The following MTUS2 variants were observed in gnomAD, a reference collection of about 807,000 sequenced individuals.
MTUS2 encodes the protein microtubule associated scaffold protein 2, also known as microtubule-associated tumor suppressor candidate 2.
In MTUS2, 40 loss-of-function variants were observed where a neutral mutation model predicts 114.1. The ratio of observed to expected loss-of-function variants is 0.35; its 90% confidence interval spans 0.27 to 0.46. The LOEUF (loss-of-function observed/expected upper bound fraction) is 0.46, where lower values mean the gene tolerates loss of function less well. Ranked by LOEUF, MTUS2 falls within the 20% of genes least tolerant of loss-of-function variation. MTUS2 has a pLI of 1.00. For synonymous variants in MTUS2, 688 were observed against 672.0 expected (o/e 1.02, Z -0.37); for missense variants, 1,679 against 1,705.4 (o/e 0.98, Z 0.27).
chr13:28,949,032 T>A (rs1188683670), intron 2 of MTUS2, among the ~76,000 whole-genome samples: 3 of 152,256 alleles, frequency 2.0e-5, no homozygotes, highest in African/African-American at 4.8e-5. Flanking sequence ...ATATGTAGTA[T>A]ATAAAAGGGA....
At chr13:29,306,077 A>C (rs1398034321) in intron 6 of MTUS2, among the ~76,000 whole-genome samples, 1 of 152,210 alleles carries the variant, frequency 6.6e-6, no homozygotes, top group East Asian at 1.9e-4. Context: ...GCCTTTAATA[A>C]AATTCAACAT....
intron 5 of MTUS2, among the ~76,000 whole-genome samples, chr13:29,272,929 C>T (rs1897931423): frequency 6.6e-6 from 1 of 152,170 alleles, no homozygotes; most frequent in African/African-American, 2.4e-5. Flanking sequence ...TTGAGGGCTG[C>T]ACCCTCTGAG....
At chr13:29,274,436 C>T (rs1897986814) in intron 5 of MTUS2, among the ~76,000 whole-genome samples, 1 of 152,084 alleles carries the variant, frequency 6.6e-6, no homozygotes, top group African/African-American at 2.4e-5. Flanking sequence ...CATTGAGAAA[C>T]TACCAACCTT....
chr13:29,041,601 T>C (rs1171419147), intron 4 of MTUS2, among the ~76,000 whole-genome samples: 1 of 152,196 alleles, frequency 6.6e-6, no homozygotes, highest in Non-Finnish European at 1.5e-5. Context: ...CATTTGTTTG[T>C]GTCATCTGTG....
In MTUS2 at chr13:29,402,099, C is replaced by T. The variant is rs576458046; in HGVS notation, c.3118-37884C>T. 3.3e-5 allele frequency among the ~76,000 whole-genome samples: 5 copies of T among 152,118 alleles called. No homozygotes were observed. In the South Asian group the frequency reaches 8.3e-4, roughly 25 times the overall value. On this transcript the variant is annotated intron_variant, in intron 8 of 15. Transcript: ENST00000612955. ...ATACTTTTTTCATATTAGTTCTGTG[C>T]ATTTCTGGATATGAAGTCTGTGTAC...
rs547857385 is a variant in MTUS2 at position 29,425,773 on chromosome 13, A to T, written c.3118-14210A>T. Among the ~76,000 whole-genome samples the T allele has an allele frequency of 9.2e-5, 14 of 152,308 alleles. No homozygotes were observed. The East Asian group carries it at 2.5e-3, about 27-fold the overall frequency. ...TCATAGTACATGTGCGATTTCACCA[A>T]CATAGGAAGGACTGGACTACGGAAG... On this transcript the variant is annotated intron_variant, in intron 8 of 15. Transcript: ENST00000612955.
intron 10 of MTUS2, 98 bp from the exon 11 acceptor site, chr13:29,487,802 A>G (rs1201599370): frequency 1.4e-5 from 13 of 910,244 alleles, no homozygotes; most frequent in Admixed American, 5.2e-5. Flanking sequence ...GTGACTTGTC[A>G]TTGATGTTTT....
intron 2 of MTUS2, among the ~76,000 whole-genome samples, chr13:28,976,767 G>A (rs1047920421): frequency 6.6e-6 from 1 of 152,204 alleles, no homozygotes; most frequent in African/African-American, 2.4e-5. Flanking sequence ...ATGATCAGCT[G>A]TTAGGAAGCA....
intron 5 of MTUS2, among the ~76,000 whole-genome samples, chr13:29,185,290 C>T (rs1894175693): frequency 6.6e-6 from 1 of 151,982 alleles, no homozygotes; most frequent in Non-Finnish European, 1.5e-5. Context: ...CTATGGGACA[C>T]CATCAAGCAT....
At chr13:29,211,328 C>A (rs560588434) in intron 5 of MTUS2, among the ~76,000 whole-genome samples, 14 of 152,404 alleles carry the variant, frequency 9.2e-5, no homozygotes, top group Admixed American at 2.6e-4. Flanking sequence ...CCATGTCCCC[C>A]CAACAGCACG....
At chr13:29,066,031 C>G (rs1888650915) in intron 4 of MTUS2, among the ~76,000 whole-genome samples, 1 of 152,108 alleles carries the variant, frequency 6.6e-6, no homozygotes, top group South Asian at 2.1e-4. Flanking sequence ...GGCCTCGATT[C>G]AGTTCTTCAG....
At chr13:28,871,898 G>A (rs76596114) in intron 2 of MTUS2, among the ~76,000 whole-genome samples, 6 of 152,220 alleles carry the variant, frequency 3.9e-5, no homozygotes, top group South Asian at 2.1e-4. Flanking sequence ...GCAAAGGCCC[G>A]GTGGAGGGAT....
intron 12 of MTUS2, among the ~76,000 whole-genome samples, chr13:29,493,450 T>C (rs1470057808): frequency 6.6e-6 from 1 of 152,130 alleles, no homozygotes; most frequent in Non-Finnish European, 1.5e-5. Context: ...CACAGCAAAA[T>C]TATTTTTTAA....
At chr13:28,846,470 TG>T (rs1339553667) in intron 2 of MTUS2, among the ~76,000 whole-genome samples, 1 of 152,218 alleles carries the variant, frequency 6.6e-6, no homozygotes, top group Non-Finnish European at 1.5e-5. Flanking sequence ...AGTCAAAAGC[TG>T]TGTGTGTCTT....
chr13:29,037,187 C>G (rs1887119998), intron 4 of MTUS2, among the ~76,000 whole-genome samples: 1 of 152,182 alleles, frequency 6.6e-6, no homozygotes, highest in South Asian at 2.1e-4. Flanking sequence ...CCTTCAGGAG[C>G]TCTTGTAAGG....
At chr13:29,262,592 T>C (rs1474609920) in intron 5 of MTUS2, among the ~76,000 whole-genome samples, 1 of 150,242 alleles carries the variant, frequency 6.7e-6, no homozygotes, top group African/African-American at 2.4e-5. Flanking sequence ...AAAGTAAGTT[T>C]GAAGGAATTA....
At chr13:29,118,414 C>T (rs891293730) in intron 5 of MTUS2, among the ~76,000 whole-genome samples, 1 of 152,124 alleles carries the variant, frequency 6.6e-6, no homozygotes. Context: ...GGGTAAGAGG[C>T]ACTGAATGTA....
intron 5 of MTUS2, among the ~76,000 whole-genome samples, chr13:29,134,954 C>T (rs868503173): frequency 6.6e-6 from 1 of 152,284 alleles, no homozygotes; most frequent in Middle Eastern, 3.4e-3. Context: ...CAGTAGGCCC[C>T]TTTATCCATG....
intron 5 of MTUS2, among the ~76,000 whole-genome samples, chr13:29,126,631 AT>A (rs67257359): frequency 0.19 from 27,752 of 149,310 alleles, 2,720 homozygotes; most frequent in Middle Eastern, 0.25. Context: ...TTTTTTTGTG[AT>A]TTTTTTTTTT....
Sources: gnomAD v4.1 joint callset for allele counts (sites outside exome capture counted in the v4.1 genomes callset) on GRCh38, gnomAD v4.1.1 for gene constraint, MANE v1.5 for transcripts, NCBI Gene and HGNC (gene_info 2026-07-23, HGNC 2026-07-21) for gene names.